The following TBC1D9B variants were observed in gnomAD, a reference collection of about 807,000 sequenced individuals.
TBC1D9B encodes the protein TBC1 domain family member 9B, also known as TBC1 domain family, member 9B (with GRAM domain).
TBC1D9B carries 87 observed loss-of-function variants against 121.1 expected under a neutral mutation model. The observed-to-expected ratio is 0.72, with a 90% confidence interval of 0.60 to 0.86. The LOEUF (loss-of-function observed/expected upper bound fraction) is 0.86. TBC1D9B is among the 40% of genes least tolerant of loss of function. TBC1D9B has a pLI of 0.00. For missense variants in TBC1D9B, 1,540 were observed against 1,628.6 expected, an observed-to-expected ratio of 0.95 and a Z score of 0.94; for synonymous variants, 668 against 670.1, an observed-to-expected ratio of 1.00 and a Z score of 0.05.
chr5:179,891,944 T>A lies in TBC1D9B; in HGVS notation c.837-358A>T, dbSNP rs992810501. ...GCACCTGCCCTGGATCCCACTCAGA[T>A]GGAGGGCCCCGGGCAGCTCTTCCAC... is the stretch of plus-strand genomic sequence containing the variant. On this transcript the variant is annotated intron_variant, in intron 5 of 20. Coordinates refer to ENST00000355235, the MANE Select transcript of TBC1D9B (RefSeq NM_015043.4). The surrounding 1 kb of genome is among the most constrained non-coding windows in gnomAD (Gnocchi z 4.3). Among the ~76,000 whole-genome samples, 3 of 152,120 alleles carry A rather than the reference T, an allele frequency of 2.0e-5. No homozygotes were observed. Among genetic ancestry groups the A allele is most frequent in the Non-Finnish European group, 2.9e-5 (2 of 68,002 alleles).
chr5:179,864,027 C>T lies in TBC1D9B; in HGVS notation c.3123G>A (p.Leu1041=), dbSNP rs906510967. 2.5e-6 allele frequency: 4 copies of T among 1,613,790 alleles called. No homozygotes were observed. Among genetic ancestry groups the T allele is most frequent in the Non-Finnish European group, 3.4e-6 (4 of 1,180,038 alleles). ...TCTTCCCCACCTCTCCGATGCGGAG[C>T]AGGAGGCTGGCCACGGTGGCGATGG... ...YHAIATVASL[L]LRIGEVGKKF... Residue 1041 remains leucine, a synonymous_variant, in exon 21 of 21, where the codon CTG becomes CTA. Transcript: ENST00000355235.
intron 7 of TBC1D9B, chr5:179,880,049 C>T: frequency 3.6e-6 from 2 of 556,404 alleles, no homozygotes; most frequent in South Asian, 4.4e-5. Context: ...GGAGCGGGTT[C>T]TGGGCTCACC....
rs1561646705 is a variant in TBC1D9B, at chr5:179,894,450, C to CCGGGGCACG, written c.504_512dup (p.Val169_Arg171dup). ...TGACCGTCAGGTACAGCCAGCCCTG[C>CCGGGGCACG]CGGGGCACGCGGCCCTTCCAGTAGC... On this transcript the variant is annotated inframe_insertion, in exon 4 of 21. Transcript: ENST00000355235. 1 of 1,614,106 alleles carries CCGGGGCACG rather than the reference C, an allele frequency of 6.2e-7. No individual in the cohort carries two copies. Among genetic ancestry groups the CCGGGGCACG allele is most frequent in the East Asian group, 2.2e-5 (1 of 44,878 alleles).
chr5:179,863,454 G>A lies in TBC1D9B; in HGVS notation c.3696C>T (p.Ser1232=), dbSNP rs771287478. The A allele has an allele frequency of 3.7e-5, 60 of 1,612,804 alleles. 1 individual carries two copies. The highest frequency in any genetic ancestry group is 3.0e-4 in the Admixed American group (18 of 59,960). ...TASDHEQPGV[S]G ...GGCCTCACAGCTGCAGGCATCAGCCGGAAACTCCAGGCTGCTCATGGTCAC... is the reference window on the plus strand; with the variant it reads ...GGCCTCACAGCTGCAGGCATCAGCCAGAAACTCCAGGCTGCTCATGGTCAC... Residue 1232 remains serine (S), a synonymous_variant, in exon 21 of 21, where the codon TCC becomes TCT. Coordinates refer to ENST00000355235, the MANE Select transcript of TBC1D9B (RefSeq NM_015043.4). This position sits in a 1 kb window ranked among gnomAD's most constrained non-coding sequence, Gnocchi z 4.5.
intron 3 of TBC1D9B, among the ~76,000 whole-genome samples, chr5:179,897,695 C>G (rs1761058559): frequency 6.6e-6 from 1 of 152,160 alleles, no homozygotes; most frequent in South Asian, 2.1e-4. Flanking sequence ...TCTGCTGATG[C>G]GTTTGTTGGG....
At chr5:179,870,655 A>C in intron 15 of TBC1D9B, 160 bp from the exon 16 acceptor site, 20 of 1,132,010 alleles carry the variant, frequency 1.8e-5, no homozygotes, top group Non-Finnish European at 2.1e-5. Context: ...GAAAGCTCTC[A>C]GGCTGTCATC....
At chr5:179,872,686 C>T (rs954542242) in intron 14 of TBC1D9B, 2 of 581,182 alleles carry the variant, frequency 3.4e-6, no homozygotes, top group Non-Finnish European at 6.0e-6. Context: ...GGTGACACAT[C>T]CACCAGCAGA....
chr5:179,879,084 A>G lies in TBC1D9B; in HGVS notation c.1530T>C (p.Pro510=). ...GCCACAGCTCTCCCCGGAGGCTCTC[A>G]GGGATACCCTTCAGGACCAGTGCCC... is the stretch of plus-strand genomic sequence containing the variant. The part of the protein sequence containing the change: ...KTRALVLKGI[P]ESLRGELWLL... The change falls in exon 9 of 21, where the codon CCT becomes CCC. Residue 510 remains proline, a synonymous_variant. Coordinates refer to ENST00000355235, the MANE Select transcript of TBC1D9B (RefSeq NM_015043.4). 6.2e-7 allele frequency: 1 copy of G among 1,606,152 alleles called. No individual in the cohort carries two copies.
rs903193757 is a variant in TBC1D9B at position 179,904,886 on chromosome 5, G to A, written c.119-74C>T. The stretch of plus-strand genomic sequence containing the variant: ...AGGCCCCTGAAGGCTGAGTCTGGCC[G>A]GAGGCAGACAGGATGGTGACGCTAC... On this transcript the variant is annotated intron_variant, in intron 1 of 20. Transcript: ENST00000355235. This position sits in a 1 kb window ranked among gnomAD's most constrained non-coding sequence, Gnocchi z 4.2. The A allele has an allele frequency of 1.9e-5, 23 of 1,207,194 alleles. No individual in the cohort carries two copies. The highest frequency in any genetic ancestry group is 3.1e-5 in the African/African-American group (2 of 63,834). The allele number at this position is 1,207,194 out of a possible 1,614,324, so 74.8% of individuals were successfully genotyped here.
intron 7 of TBC1D9B, 36 bp downstream of exon 7, chr5:179,888,067 C>A: frequency 6.2e-7 from 1 of 1,611,288 alleles, no homozygotes; most frequent in South Asian, 1.1e-5. Flanking sequence ...CTTCCTGGGC[C>A]CAACTCGACC....
chr5:179,871,338 TTC>T (rs1036766961), intron 15 of TBC1D9B, 122 bp downstream of exon 15: 8 of 966,522 alleles, frequency 8.3e-6, no homozygotes, highest in African/African-American at 4.9e-5. Flanking sequence ...TTAGATCTGT[TTC>T]TGTTTTTCTA....
intron 2 of TBC1D9B, among the ~76,000 whole-genome samples, chr5:179,900,562 C>G (rs1007986285): frequency 9.2e-5 from 14 of 152,176 alleles, no homozygotes; most frequent in African/African-American, 3.4e-4. Flanking sequence ...ACTGAGTTAG[C>G]GAATCCTGAA....
At chr5:179,884,783 T>C (rs947057970) in intron 7 of TBC1D9B, among the ~76,000 whole-genome samples, 4 of 152,190 alleles carry the variant, frequency 2.6e-5, no homozygotes, top group Non-Finnish European at 4.4e-5. Context: ...TGCTTCCACT[T>C]ATGTGCATTA....
At chr5:179,900,301 C>T (rs1761131357) in intron 2 of TBC1D9B, among the ~76,000 whole-genome samples, 1 of 152,220 alleles carries the variant, frequency 6.6e-6, no homozygotes, top group Non-Finnish European at 1.5e-5. Context: ...GGGGAAGAAG[C>T]CCCGGGGGAA....
chr5:179,888,839 G>C (rs115643704), intron 6 of TBC1D9B, among the ~76,000 whole-genome samples: 1,650 of 152,302 alleles, frequency 0.011, 32 homozygotes, highest in African/African-American at 0.038. Flanking sequence ...TGAGTGCTGG[G>C]AAGAGGGAAG....
At chr5:179,900,863 C>T (rs923656015) in intron 2 of TBC1D9B, among the ~76,000 whole-genome samples, 15 of 152,148 alleles carry the variant, frequency 9.9e-5, no homozygotes, top group East Asian at 1.9e-4. Context: ...GTGAACCAGA[C>T]GTCTCTGCTG....
chr5:179,902,452 G>A lies in TBC1D9B; in HGVS notation c.229+2250C>T, dbSNP rs1471906017. On this transcript the variant is annotated intron_variant, in intron 2 of 20. Coordinates refer to ENST00000355235, the MANE Select transcript of TBC1D9B (RefSeq NM_015043.4). The surrounding 1 kb of genome is among the most constrained non-coding windows in gnomAD (Gnocchi z 4.9). ...GCAGGGCCATGTCTGGTCTTGGTGAGTTGCTTCTGGGGCCTAGCCTGGCTG... is the reference window on the plus strand; with the variant it reads ...GCAGGGCCATGTCTGGTCTTGGTGAATTGCTTCTGGGGCCTAGCCTGGCTG... Among the ~76,000 whole-genome samples, 1 of 152,220 alleles carries A rather than the reference G, an allele frequency of 6.6e-6. No homozygotes were observed. The highest frequency in any genetic ancestry group is 1.5e-5 in the Non-Finnish European group (1 of 68,032).
Position 179,875,929 on chromosome 5 carries a change from T to A in TBC1D9B, c.1891A>T (p.Arg631Trp), listed in dbSNP as rs767442186. 6.2e-7 allele frequency: 1 copy of A among 1,606,114 alleles called. No individual in the cohort carries two copies. Among genetic ancestry groups the A allele is most frequent in the African/African-American group, 1.3e-5 (1 of 74,754 alleles). Residue 631 changes from arginine (R) to tryptophan (W), a missense_variant, in exon 11 of 21, where the codon AGG becomes TGG. Coordinates refer to ENST00000355235, the MANE Select transcript of TBC1D9B (RefSeq NM_015043.4). This position sits in a 1 kb window ranked among gnomAD's most constrained non-coding sequence, Gnocchi z 4.5. ...ACCCGGGGACACTCACCCACCACCC[T>A]GGTGTTGTAGTAGTCGGGCAGCATG... ...ERMLPDYYNT[R>W]VVGALVDQGI...
rs760489785 is a variant in TBC1D9B, at chr5:179,872,908, G to A, written c.2399C>T (p.Thr800Met). Residue 800 changes from threonine (T) to methionine (M), a missense_variant, in exon 14 of 21, where the codon ACG becomes ATG. Coordinates refer to ENST00000355235, the MANE Select transcript of TBC1D9B (RefSeq NM_015043.4). Reference sequence around the variant, plus strand: ...CACCCATACCACACTCCTCTTGGCCGTGTCCTCCAAGGACTGGATCACTTT... The same window carrying A: ...CACCCATACCACACTCCTCTTGGCCATGTCCTCCAAGGACTGGATCACTTT... Reference protein sequence around the residue: ...RLKVIQSLEDTAKRSVVRAIP... With the variant: ...RLKVIQSLEDMAKRSVVRAIP... The A allele has an allele frequency of 5.3e-6, 8 of 1,500,772 alleles. No homozygotes were observed. Among genetic ancestry groups the A allele is most frequent in the South Asian group, 1.1e-5 (1 of 89,350 alleles). 93.0% of individuals were successfully genotyped at this position (1,500,772 alleles called of 1,614,324 possible). A position where few individuals can be genotyped will look rare whatever the true frequency, so the allele number is the denominator to read the frequency against.
Sources: allele counts gnomAD v4.1 joint callset (sites outside exome capture counted in the v4.1 genomes callset), GRCh38; gene constraint gnomAD v4.1.1; non-coding constraint Gnocchi (gnomAD v3.1); transcripts MANE v1.5; gene names NCBI Gene and HGNC (gene_info 2026-07-23, HGNC 2026-07-21).